The following STIMATE variants were observed in gnomAD, a reference collection of about 807,000 sequenced individuals.
STIMATE encodes the protein store-operated calcium entry regulator STIMATE.
In STIMATE, 15 loss-of-function variants were observed where a neutral mutation model predicts 36.7. That is an observed-to-expected ratio of 0.41 (90% CI 0.27 to 0.63). The LOEUF (loss-of-function observed/expected upper bound fraction) is 0.63. Among genes scored for constraint, STIMATE ranks in the 20% least tolerant of loss-of-function variants. The pLI, the probability that STIMATE is intolerant of heterozygous loss-of-function variation, is 0.32. For missense variants in STIMATE, 305 were observed against 397.3 expected (o/e 0.77, Z 1.98); for synonymous variants, 163 against 162.3 (o/e 1.00, Z -0.03).
chr3:52,854,448 T>C lies in STIMATE; in HGVS notation c.209+948A>G, dbSNP rs73839527. On this transcript the variant is annotated intron_variant, in intron 2 of 7. Coordinates refer to ENST00000355083, the MANE Select transcript of STIMATE (RefSeq NM_198563.5). ...ATGATGAACCCTCCATAAAAATCCCTAAACAATGGGATTTGGAGCGCTTCC... is the reference window on the plus strand; with the variant it reads ...ATGATGAACCCTCCATAAAAATCCCCAAACAATGGGATTTGGAGCGCTTCC... 1.9e-3 allele frequency among the ~76,000 whole-genome samples: 289 copies of C among 152,284 alleles called. 1 individual carries two copies. The highest frequency in any genetic ancestry group is 6.3e-3 in the African/African-American group (261 of 41,558).
intron 3 of STIMATE, among the ~76,000 whole-genome samples, chr3:52,850,626 A>G (rs1263571020): frequency 3.3e-5 from 5 of 152,238 alleles, no homozygotes; most frequent in Non-Finnish European, 4.4e-5. Flanking sequence ...GCTGCACCAG[A>G]GAGGTTCAGG....
At chr3:52,849,673 A>G in intron 4 of STIMATE, 119 bp downstream of exon 4, 1 of 1,474,306 alleles carries the variant, frequency 6.8e-7, no homozygotes, top group South Asian at 1.4e-5. Context: ...CCACACAGAG[A>G]AGACAATGGC....
chr3:52,896,495 C>G (rs1321590762), intron 1 of STIMATE, among the ~76,000 whole-genome samples: 1 of 151,978 alleles, frequency 6.6e-6, no homozygotes, highest in Non-Finnish European at 1.5e-5. Context: ...CACATGAGAA[C>G]AGGGTGGGGG....
intron 1 of STIMATE, among the ~76,000 whole-genome samples, chr3:52,859,699 A>C (rs1701182165): frequency 6.6e-6 from 1 of 151,486 alleles, no homozygotes; most frequent in Non-Finnish European, 1.5e-5. Context: ...AGAAAAAAAG[A>C]AAAAAATCCA....
intron 1 of STIMATE, among the ~76,000 whole-genome samples, chr3:52,866,371 C>T (rs543931228): frequency 1.0e-3 from 159 of 152,362 alleles, no homozygotes; most frequent in South Asian, 2.1e-3. Flanking sequence ...CACCGTCTAC[C>T]GCCTTGAGGG....
intron 6 of STIMATE, 55 bp from the exon 7 acceptor site, chr3:52,843,015 G>A: frequency 6.2e-7 from 1 of 1,610,780 alleles, no homozygotes; most frequent in Non-Finnish European, 8.5e-7. Context: ...TCAAAGCAAA[G>A]CCGAACAGCC....
chr3:52,890,832 A>G (rs1701771190), intron 1 of STIMATE, among the ~76,000 whole-genome samples: 1 of 152,176 alleles, frequency 6.6e-6, no homozygotes, highest in Admixed American at 6.5e-5. Context: ...CTTCCTCACC[A>G]GCGAGTAAAG....
intron 1 of STIMATE, among the ~76,000 whole-genome samples, chr3:52,872,500 T>C (rs1701424598): frequency 6.6e-6 from 1 of 152,246 alleles, no homozygotes; most frequent in Admixed American, 6.5e-5. Context: ...TGATGTAAGC[T>C]GTACGCAAGA....
At chr3:52,864,280 A>G (rs1701265791) in intron 1 of STIMATE, among the ~76,000 whole-genome samples, 1 of 152,116 alleles carries the variant, frequency 6.6e-6, no homozygotes, top group African/African-American at 2.4e-5. Context: ...ACTTCTGTGC[A>G]CTCGCAGGCT....
chr3:52,852,998 G>A (rs1026293091), intron 2 of STIMATE, among the ~76,000 whole-genome samples: 2 of 152,172 alleles, frequency 1.3e-5, no homozygotes, highest in African/African-American at 4.8e-5. Flanking sequence ...AGCCCAAGGT[G>A]CCTCTATTTT....
Position 52,844,847 on chromosome 3 carries a change from T to G in STIMATE, c.522A>C (p.Leu174=). ...AGCAAACCTTTTTCCACTGAAGTAT[T>G]AGGAGGACGATGAAGACGACAGACT... ...FEKSVVFIVL[L]ILQWKKVALL... The change falls in exon 5 of 8, where the codon CTA becomes CTC. Residue 174 remains leucine (L), a synonymous_variant. Coordinates refer to ENST00000355083, the MANE Select transcript of STIMATE (RefSeq NM_198563.5). The G allele has an allele frequency of 6.2e-7, 1 of 1,613,992 alleles. No individual in the cohort carries two copies. The highest frequency in any genetic ancestry group is 8.5e-7 in the Non-Finnish European group (1 of 1,179,946).
At chr3:52,897,142 C>T (rs1201639386) in intron 1 of STIMATE, 149 bp downstream of exon 1, 5 of 1,038,674 alleles carry the variant, frequency 4.8e-6, no homozygotes, top group Non-Finnish European at 6.7e-6. Context: ...TCGGGCTACC[C>T]CTAGTGCAGG....
chr3:52,841,319 C>G (rs1285455628), intron 7 of STIMATE, among the ~76,000 whole-genome samples: 1 of 152,236 alleles, frequency 6.6e-6, no homozygotes, highest in Admixed American at 6.5e-5. Context: ...AAGCCCCTTT[C>G]AAAAGGAAGA....
rs3733047 is a variant in STIMATE, at chr3:52,837,913, G to C, written c.*2581C>G. 3 of 152,060 alleles carry C rather than the reference G, an allele frequency of 2.0e-5. No individual in the cohort carries two copies. Among genetic ancestry groups the C allele is most frequent in the African/African-American group, 7.2e-5 (3 of 41,384 alleles). 9.4% of individuals were successfully genotyped at this position (152,060 alleles called of 1,614,324 possible). On this transcript the variant is annotated 3_prime_UTR_variant, in exon 8 of 8. Coordinates refer to ENST00000355083, the MANE Select transcript of STIMATE (RefSeq NM_198563.5). ...ACAGCCCTCTGATCTGCTCTCATGG[G>C]ATGGTGCACCACGGAAGAGCCCCCA...
chr3:52,892,417 C>A (rs1701797371), intron 1 of STIMATE, among the ~76,000 whole-genome samples: 1 of 152,220 alleles, frequency 6.6e-6, no homozygotes, highest in African/African-American at 2.4e-5. Flanking sequence ...AATGAAAGCT[C>A]TGAGCCAGCC....
chr3:52,896,093 T>A, intron 1 of STIMATE: 1 of 462,178 alleles, frequency 2.2e-6, no homozygotes, highest in South Asian at 1.7e-5. Context: ...AAGAACGCGG[T>A]ATCCATGATC....
chr3:52,840,677 A>G, intron 7 of STIMATE, 67 bp from the exon 8 acceptor site: 1 of 1,389,884 alleles, frequency 7.2e-7, no homozygotes, highest in Non-Finnish European at 9.7e-7. Context: ...CCCTCCCTGG[A>G]CCCTGGGCCC....
intron 2 of STIMATE, among the ~76,000 whole-genome samples, chr3:52,854,572 G>A (rs374463752): frequency 2.2e-4 from 34 of 152,314 alleles, no homozygotes; most frequent in Non-Finnish European, 4.1e-4. Context: ...TTCATCTAGC[G>A]TTCATCTGTG....
rs1487997520 is a variant in STIMATE at position 52,844,814 on chromosome 3, A to G, written c.540+15T>C. The G allele has an allele frequency of 1.9e-6, 3 of 1,613,214 alleles. No individual in the cohort carries two copies. Among genetic ancestry groups the G allele is most frequent in the Admixed American group, 1.7e-5 (1 of 59,992 alleles). On this transcript the variant is annotated intron_variant, in intron 5 of 7. Transcript: ENST00000355083. ...CAGCGTGGCAAGGAGCTGCTCATGC[A>G]GGGACGAAGCAAACCTTTTTCCACT... is the stretch of plus-strand genomic sequence containing the variant.
Sources: gnomAD v4.1 joint callset for allele counts (sites outside exome capture counted in the v4.1 genomes callset) on GRCh38, gnomAD v4.1.1 for gene constraint, MANE v1.5 for transcripts, NCBI Gene and HGNC (gene_info 2026-07-23, HGNC 2026-07-21) for gene names.